CD53: variants seen among roughly 807,000 people sequenced by gnomAD.
The protein encoded by CD53 is CD53 molecule.
A neutral mutation model predicts 27.3 loss-of-function variants in CD53; 20 were observed. The ratio of observed to expected loss-of-function variants is 0.73; its 90% CI spans 0.52 to 1.07. The LOEUF (loss-of-function observed/expected upper bound fraction) is 1.07. Ranked by LOEUF, CD53 falls within the 50% of genes least tolerant of loss-of-function variation. The pLI is 0.00. For missense variants in CD53, 216 were observed against 264.0 expected (o/e 0.82, Z 1.26); for synonymous variants, 106 against 105.3 (o/e 1.01, Z -0.04).
upstream of CD53, among the ~76,000 whole-genome samples, chr1:110,872,507 G>T (rs1479422442): frequency 6.6e-6 from 1 of 152,226 alleles, no homozygotes; most frequent in Non-Finnish European, 1.5e-5. Flanking sequence ...CTGAAACTCA[G>T]ATCTTTGGCT....
intron 1 of CD53, among the ~76,000 whole-genome samples, chr1:110,884,334 T>C (rs1656480113): frequency 6.6e-6 from 1 of 152,146 alleles, no homozygotes; most frequent in Non-Finnish European, 1.5e-5. Context: ...TTTCTGTTAT[T>C]GATTGCTAAT....
At chr1:110,878,690 G>C (rs1190260520) in intron 1 of CD53, among the ~76,000 whole-genome samples, 1 of 152,012 alleles carries the variant, frequency 6.6e-6, no homozygotes, top group East Asian at 1.9e-4. Context: ...AGCTTACAAA[G>C]GTGTTTCTCT....
At chr1:110,875,989 T>C (rs146493260) in intron 1 of CD53, among the ~76,000 whole-genome samples, 98 of 152,336 alleles carry the variant, frequency 6.4e-4, no homozygotes, top group African/African-American at 2.3e-3. Flanking sequence ...CATCAATATG[T>C]CATAGCTCTG....
intron 1 of CD53, among the ~76,000 whole-genome samples, chr1:110,882,368 A>AT (rs1298042976): frequency 6.6e-6 from 1 of 151,962 alleles, no homozygotes; most frequent in Non-Finnish European, 1.5e-5. Context: ...TAATATATTA[A>AT]TTTTGTATTT....
rs1032524400 is a variant in CD53, at chr1:110,884,850, C to A, written c.-17-6542C>A. Among the ~76,000 whole-genome samples the A allele has an allele frequency of 5.9e-4, 6 of 10,232 alleles. No individual in the cohort carries two copies. The Admixed American group carries it at 7.7e-3, about 13-fold the overall frequency. 6.7% of individuals were successfully genotyped at this position (10,232 alleles called of 152,430 possible). ...TATTCGCTTCTTTATATTTTAAATG[C>A]ATTTTTTTGTAAACAACATAATTGG... On this transcript the variant is annotated intron_variant, in intron 1 of 7. Coordinates refer to ENST00000271324, the MANE Select transcript of CD53 (RefSeq NM_000560.4).
At chr1:110,890,902 T>C (rs10494123) in intron 1 of CD53, among the ~76,000 whole-genome samples, 7,292 of 152,326 alleles carry the variant, frequency 0.048, 563 homozygotes, top group African/African-American at 0.17. Flanking sequence ...CGTGGATATG[T>C]TCCCCCTACT....
Position 110,882,259 on chromosome 1 carries a change from C to T in CD53, c.-18+9011C>T, listed in dbSNP as rs148337464. Among the ~76,000 whole-genome samples the T allele has an allele frequency of 1.2e-3, 177 of 152,214 alleles. 1 individual carries two copies. The East Asian group carries it at 0.022, about 19-fold the overall frequency. On this transcript the variant is annotated intron_variant, in intron 1 of 7. Transcript: ENST00000271324. Reference sequence around the variant, plus strand: ...TAGATCTATGATTCATCACTAGTTACGATTTCGTATGGAGAGAGGTATAAA... The same window carrying T: ...TAGATCTATGATTCATCACTAGTTATGATTTCGTATGGAGAGAGGTATAAA...
intron 1 of CD53, among the ~76,000 whole-genome samples, chr1:110,881,132 A>T (rs1025901943): frequency 6.6e-6 from 1 of 152,154 alleles, no homozygotes; most frequent in African/African-American, 2.4e-5. Flanking sequence ...ACGTAAGTGT[A>T]CATGCATAAA....
At position 110,899,486 on chromosome 1, in the gene CD53, C is replaced by T. The variant is rs1657213796; in HGVS notation, c.*291C>T. On this transcript the variant is annotated 3_prime_UTR_variant, in exon 8 of 8. Transcript: ENST00000271324. ...GGCAAAGACAAACTGGATTTAATGG[C>T]CCAACATCAAAGGGTGAACCCAGGA... 7.5e-5 allele frequency: 22 copies of T among 292,884 alleles called. No individual in the cohort carries two copies. In the South Asian group the frequency reaches 8.9e-4, roughly 12 times the overall value. The allele number at this position is 292,884 out of a possible 1,614,324, so 18.1% of individuals were successfully genotyped here.
intron 1 of CD53, among the ~76,000 whole-genome samples, chr1:110,873,626 T>G (rs1015018680): frequency 6.6e-6 from 1 of 152,120 alleles, no homozygotes; most frequent in African/African-American, 2.4e-5. Context: ...GATTTTAAAG[T>G]GAGGAAAGAA....
At chr1:110,882,389 T>A (rs1310184371) in intron 1 of CD53, among the ~76,000 whole-genome samples, 1 of 152,030 alleles carries the variant, frequency 6.6e-6, no homozygotes, top group Non-Finnish European at 1.5e-5. Flanking sequence ...TTTTTGAAAA[T>A]CAGTTGTCCA....
At chr1:110,882,141 T>C (rs1656380032) in intron 1 of CD53, among the ~76,000 whole-genome samples, 1 of 152,164 alleles carries the variant, frequency 6.6e-6, no homozygotes, top group South Asian at 2.1e-4. Flanking sequence ...TTTATCAACT[T>C]ATTGTGCTTT....
chr1:110,883,621 T>C (rs1656445715), intron 1 of CD53, among the ~76,000 whole-genome samples: 1 of 151,980 alleles, frequency 6.6e-6, no homozygotes, highest in East Asian at 1.9e-4. Context: ...ATAGAATCAG[T>C]ATTATTTCTG....
intron 1 of CD53, among the ~76,000 whole-genome samples, chr1:110,886,863 A>ATTTT (rs1187597163): frequency 2.9e-4 from 21 of 72,270 alleles, no homozygotes; most frequent in Non-Finnish European, 5.4e-4. Context: ...ATATATATAT[A>ATTTT]TATATATTTT....
intron 1 of CD53, among the ~76,000 whole-genome samples, chr1:110,875,999 G>C (rs567266705): frequency 6.6e-6 from 1 of 152,278 alleles, no homozygotes; most frequent in South Asian, 2.1e-4. Flanking sequence ...TCATAGCTCT[G>C]ACCAAGAATT....
At chr1:110,884,602 G>A (rs942682979) in intron 1 of CD53, among the ~76,000 whole-genome samples, 9 of 151,992 alleles carry the variant, frequency 5.9e-5, no homozygotes, top group Non-Finnish European at 1.2e-4. Context: ...TCTTCTTTCA[G>A]TTCTGTTCAT....
intron 1 of CD53, among the ~76,000 whole-genome samples, chr1:110,883,501 C>T (rs544414457): frequency 5.9e-5 from 9 of 151,922 alleles, no homozygotes; most frequent in African/African-American, 1.4e-4. Context: ...AACATTGGCC[C>T]GTGGTTTTAT....
intron 1 of CD53, among the ~76,000 whole-genome samples, chr1:110,886,549 TA>T: frequency 6.6e-6 from 1 of 152,172 alleles, no homozygotes; most frequent in South Asian, 2.1e-4. Flanking sequence ...TCTGTTCATT[TA>T]AAACATTTTA....
At chr1:110,872,749 T>C (rs1294828796), upstream of CD53, among the ~76,000 whole-genome samples, 2 of 152,156 alleles carry the variant, frequency 1.3e-5, no homozygotes, top group Admixed American at 6.5e-5. Context: ...TTTAGAAATA[T>C]TGGTTCCTGT....
Sources: allele counts gnomAD v4.1 joint callset (sites outside exome capture counted in the v4.1 genomes callset), GRCh38; gene constraint gnomAD v4.1.1; transcripts MANE v1.5; gene names NCBI Gene and HGNC (gene_info 2026-07-23, HGNC 2026-07-21).